SLC9A3: variants seen among roughly 807,000 people sequenced by gnomAD.
The protein encoded by SLC9A3 is sodium/hydrogen exchanger 3.
A neutral mutation model predicts 86.8 loss-of-function variants in SLC9A3; 37 were observed. The ratio of observed to expected loss-of-function variants is 0.43; its 90% CI spans 0.33 to 0.56. SLC9A3 has a LOEUF of 0.56. Among genes scored for constraint, SLC9A3 ranks in the 20% least tolerant of loss-of-function variants. The probability of loss-of-function intolerance (pLI) is 0.06; values close to 1 mark genes in which losing one functional copy is unlikely to be tolerated. For synonymous variants in SLC9A3, 581 were observed against 528.3 expected (o/e 1.10, Z -1.37); for missense variants, 1,011 against 1,171.9 (o/e 0.86, Z 2.00).
chr5:476,016 G>A lies in SLC9A3; in HGVS notation c.2140+4C>T, dbSNP rs754918836. The A allele has an allele frequency of 1.0e-5, 16 of 1,607,798 alleles. No individual in the cohort carries two copies. The highest frequency in any genetic ancestry group is 8.9e-5 in the East Asian group (4 of 44,804). On this transcript the variant is annotated splice_donor_region_variant and intron_variant, in intron 14 of 16. Coordinates refer to ENST00000264938, the MANE Select transcript of SLC9A3 (RefSeq NM_004174.4). ...CCAGCGTTCCTGCAGGGCCCCCAGC[G>A]CACCTTTCTCCTTGATGGTGAAATT...
intron 1 of SLC9A3, among the ~76,000 whole-genome samples, chr5:512,102 G>C (rs757834911): frequency 2.6e-5 from 4 of 152,208 alleles, no homozygotes; most frequent in South Asian, 2.1e-4. Context: ...CCACGGGTTA[G>C]GGGGAGAGAG....
At position 496,811 on chromosome 5, in the gene SLC9A3, G is replaced by A. The variant is rs79367261; in HGVS notation, c.212-4740C>T. On this transcript the variant is annotated intron_variant, in intron 1 of 16. Coordinates refer to ENST00000264938, the MANE Select transcript of SLC9A3 (RefSeq NM_004174.4). The surrounding 1 kb of genome is among the most constrained non-coding windows in gnomAD (Gnocchi z 4.7). ...CTGTAATCCCAATACAACAGTTTGG[G>A]AGGCCAAGGCAGGTGGATCCCTTGA... 0.032 allele frequency among the ~76,000 whole-genome samples: 4,887 copies of A among 152,186 alleles called. 247 individuals carry two copies. Among genetic ancestry groups the A allele is most frequent in the African/African-American group, 0.1 (4,239 of 41,508 alleles).
chr5:520,902 G>C (rs2126661044), intron 1 of SLC9A3, among the ~76,000 whole-genome samples: 1 of 152,262 alleles, frequency 6.6e-6, no homozygotes. Flanking sequence ...GGAAAGCCTG[G>C]CCCAGGGTTC....
At position 497,894 on chromosome 5, in the gene SLC9A3, G is replaced by A. The variant is rs1318475546; in HGVS notation, c.212-5823C>T. On this transcript the variant is annotated intron_variant, in intron 1 of 16. Transcript: ENST00000264938. The surrounding 1 kb of genome is among the most constrained non-coding windows in gnomAD (Gnocchi z 5.4). ...TCCCCAGCCTCTGCCCCTGTCCCGG[G>A]TGGGGTCGCCCGGCCGCATCCCCAG... Among the ~76,000 whole-genome samples, 3 of 149,332 alleles carry A rather than the reference G, an allele frequency of 2.0e-5. No individual in the cohort carries two copies. Among genetic ancestry groups the A allele is most frequent in the Non-Finnish European group, 4.5e-5 (3 of 67,196 alleles).
At chr5:500,030 T>A (rs907125075) in intron 1 of SLC9A3, among the ~76,000 whole-genome samples, 8 of 152,250 alleles carry the variant, frequency 5.3e-5, no homozygotes, top group African/African-American at 1.7e-4. Flanking sequence ...GCAGGGTGGC[T>A]GGGACGCAAC....
intron 3 of SLC9A3, among the ~76,000 whole-genome samples, chr5:486,297 G>A (rs1438153282): frequency 1.3e-5 from 2 of 152,204 alleles, no homozygotes; most frequent in Non-Finnish European, 2.9e-5. Context: ...CGGGCCCAGG[G>A]CTGGCCTCAC....
chr5:481,770 C>T (rs1205729677), intron 8 of SLC9A3, 135 bp from the exon 9 acceptor site: 4 of 798,484 alleles, frequency 5.0e-6, no homozygotes, highest in Non-Finnish European at 8.6e-6. Flanking sequence ...GCAGCCTCCT[C>T]TCCCCTCCTG....
In SLC9A3 at chr5:472,220, G is replaced by A. The variant is rs1417082702; in HGVS notation, c.*1159C>T. On this transcript the variant is annotated 3_prime_UTR_variant, in exon 17 of 17. Coordinates refer to ENST00000264938, the MANE Select transcript of SLC9A3 (RefSeq NM_004174.4). ...GGATGGTCTCCCTGCAGAGGACCAGGAGCTCTGTCCAAGGCCTCGCCCTGG... is the reference window on the plus strand; with the variant it reads ...GGATGGTCTCCCTGCAGAGGACCAGAAGCTCTGTCCAAGGCCTCGCCCTGG... 8.3e-6 allele frequency: 3 copies of A among 360,592 alleles called. No individual in the cohort carries two copies. The highest frequency in any genetic ancestry group is 1.1e-5 in the Non-Finnish European group (2 of 183,944). 22.3% of individuals were successfully genotyped at this position (360,592 alleles called of 1,614,324 possible).
In SLC9A3 at chr5:470,948, G is replaced by C. The variant is rs542363358; in HGVS notation, c.*2431C>G. 11 of 152,482 alleles carry C rather than the reference G, an allele frequency of 7.2e-5. No individual in the cohort carries two copies. The highest frequency in any genetic ancestry group is 4.1e-4 in the South Asian group (2 of 4,826). 9.4% of individuals were successfully genotyped at this position (152,482 alleles called of 1,614,324 possible). A position where few individuals can be genotyped will look rare whatever the true frequency, so the allele number is the denominator to read the frequency against. On this transcript the variant is annotated 3_prime_UTR_variant, in exon 17 of 17. Transcript: ENST00000264938. ...ACTGTTTACCTTCTGTTTGACAGCA[G>C]TGACAGGAACGTGGGGATCCCCACT...
chr5:515,538 G>A (rs1020762435), intron 1 of SLC9A3, among the ~76,000 whole-genome samples: 21 of 152,098 alleles, frequency 1.4e-4, no homozygotes, highest in Admixed American at 2.0e-4. Context: ...AAGGGCACTC[G>A]CCAATGTGAG....
At chr5:490,249 G>GATGGCCTCCAGC (rs1560959821) in intron 2 of SLC9A3, among the ~76,000 whole-genome samples, 1 of 152,074 alleles carries the variant, frequency 6.6e-6, no homozygotes, top group African/African-American at 2.4e-5. Context: ...GGGGCACAGC[G>GATGGCCTCCAGC]ATACCTGGGA....
chr5:489,489 T>C (rs1386461911), intron 2 of SLC9A3, among the ~76,000 whole-genome samples: 1 of 152,162 alleles, frequency 6.6e-6, no homozygotes, highest in Non-Finnish European at 1.5e-5. Context: ...CAGGGGTTTC[T>C]GTGCTGGCGC....
intron 1 of SLC9A3, among the ~76,000 whole-genome samples, chr5:520,038 C>T (rs942424026): frequency 1.3e-5 from 2 of 152,166 alleles, no homozygotes; most frequent in East Asian, 1.9e-4. Context: ...AGCTCCACTT[C>T]GAGAGCCTGC....
At chr5:509,432 C>T (rs973005525) in intron 1 of SLC9A3, among the ~76,000 whole-genome samples, 26 of 133,974 alleles carry the variant, frequency 1.9e-4, no homozygotes, top group African/African-American at 6.6e-4. Flanking sequence ...GCAGCCTGGG[C>T]GAGAGAGTGA....
chr5:522,833 C>T (rs898640821), intron 1 of SLC9A3, among the ~76,000 whole-genome samples: 1 of 152,096 alleles, frequency 6.6e-6, no homozygotes, highest in African/African-American at 2.4e-5. Flanking sequence ...AGCTTTAGGA[C>T]TGGGCGGCCG....
chr5:503,131 T>C (rs1740386140), intron 1 of SLC9A3, among the ~76,000 whole-genome samples: 3 of 152,256 alleles, frequency 2.0e-5, no homozygotes, highest in East Asian at 3.9e-4. Context: ...ACTCAATGGA[T>C]AGACTTACGA....
chr5:479,866 G>A lies in SLC9A3; in HGVS notation c.1617C>T (p.Asn539=). 6.2e-7 allele frequency: 1 copy of A among 1,613,842 alleles called. No individual in the cohort carries two copies. The highest frequency in any genetic ancestry group is 1.1e-5 in the South Asian group (1 of 91,088). Residue 539 remains asparagine (N), a synonymous_variant, in exon 10 of 17, where the codon AAC becomes AAT. Transcript: ENST00000264938. ...CCACGTAGCTGATGGCATCCTTCAG[G>A]TTCAGCTCGTGGAAGACATTCAGGA... ...DRILNVFHEL[N]LKDAISYVAE...
chr5:487,907 A>G (rs11134072), intron 3 of SLC9A3, among the ~76,000 whole-genome samples: 30,030 of 152,116 alleles, frequency 0.2, 3,849 homozygotes, highest in Non-Finnish European at 0.28. Flanking sequence ...ACCTCAGGTG[A>G]TCCACCTGCC....
At chr5:492,420 C>CGGGGG (rs1273479982) in intron 1 of SLC9A3, among the ~76,000 whole-genome samples, 18 of 6,272 alleles carry the variant, frequency 2.9e-3, no homozygotes, top group Non-Finnish European at 4.0e-3. Flanking sequence ...GTGGGACCTG[C>CGGGGG]GGGGGAGGGG....
Sources: allele counts gnomAD v4.1 joint callset (sites outside exome capture counted in the v4.1 genomes callset), GRCh38; gene constraint gnomAD v4.1.1; non-coding constraint Gnocchi (gnomAD v3.1); transcripts MANE v1.5; gene names NCBI Gene and HGNC (gene_info 2026-07-23, HGNC 2026-07-21).